The following KCNH7 variants were observed in gnomAD, a reference collection of about 807,000 sequenced individuals.
The protein encoded by KCNH7 is voltage-gated inwardly rectifying potassium channel KCNH7.
KCNH7 carries 49 observed loss-of-function variants against 120.8 expected under a neutral mutation model. The observed-to-expected ratio is 0.41, with a 90% CI of 0.32 to 0.51. KCNH7 has a LOEUF of 0.51. Ranked by LOEUF, KCNH7 falls within the 20% of genes least tolerant of loss-of-function variation. KCNH7 has a pLI of 0.38. For synonymous variants in KCNH7, 547 were observed against 516.1 expected (o/e 1.06, Z -0.81); for missense variants, 1,097 against 1,446.6 (o/e 0.76, Z 3.92).
intron 6 of KCNH7, among the ~76,000 whole-genome samples, chr2:162,470,617 G>A (rs562992299): frequency 4.3e-4 from 64 of 150,508 alleles, no homozygotes; most frequent in Middle Eastern, 3.7e-3. Context: ...ATCCGGGAGG[G>A]AGGTGGGGGG....
At chr2:162,581,898 G>T (rs1037226549) in intron 2 of KCNH7, among the ~76,000 whole-genome samples, 1 of 152,024 alleles carries the variant, frequency 6.6e-6, no homozygotes, top group Non-Finnish European at 1.5e-5. Context: ...GAAAGAAAAA[G>T]TAGTGATGAG....
chr2:162,793,140 G>C (rs976268458), intron 2 of KCNH7, among the ~76,000 whole-genome samples: 1 of 151,898 alleles, frequency 6.6e-6, no homozygotes, highest in Non-Finnish European at 1.5e-5. Context: ...GATCACGTAC[G>C]TTGCAAGGAC....
intron 2 of KCNH7, among the ~76,000 whole-genome samples, chr2:162,541,758 G>T (rs968401263): frequency 6.6e-6 from 1 of 152,078 alleles, no homozygotes; most frequent in African/African-American, 2.4e-5. Flanking sequence ...ATACCTAGGA[G>T]ACAGAATGAT....
At chr2:162,703,240 T>A (rs898987895) in intron 2 of KCNH7, among the ~76,000 whole-genome samples, 2 of 152,114 alleles carry the variant, frequency 1.3e-5, no homozygotes, top group Non-Finnish European at 2.9e-5. Flanking sequence ...ACCATTATTA[T>A]CTCTACTTTG....
At chr2:162,811,195 T>C (rs950142009) in intron 2 of KCNH7, among the ~76,000 whole-genome samples, 3 of 152,152 alleles carry the variant, frequency 2.0e-5, no homozygotes, top group Non-Finnish European at 4.4e-5. Flanking sequence ...CGTGCATACT[T>C]TTCCATTTAT....
intron 2 of KCNH7, among the ~76,000 whole-genome samples, chr2:162,763,915 C>G (rs953148106): frequency 6.6e-6 from 1 of 151,868 alleles, no homozygotes; most frequent in Admixed American, 6.6e-5. Context: ...AATACCATAA[C>G]AAATTGATGT....
At chr2:162,377,142 G>C (rs1011901722) in intron 14 of KCNH7, among the ~76,000 whole-genome samples, 4 of 152,096 alleles carry the variant, frequency 2.6e-5, no homozygotes, top group Admixed American at 2.6e-4. Context: ...AGTCTGAGTT[G>C]AGCTTCCCCC....
intron 5 of KCNH7, among the ~76,000 whole-genome samples, chr2:162,508,730 C>G (rs1333990571): frequency 6.6e-6 from 1 of 151,448 alleles, no homozygotes. Flanking sequence ...GGGTTTCCTA[C>G]CTCCTAAGTC....
At chr2:162,562,018 C>A (rs1464425497) in intron 2 of KCNH7, among the ~76,000 whole-genome samples, 6 of 152,038 alleles carry the variant, frequency 3.9e-5, no homozygotes, top group African/African-American at 1.4e-4. Flanking sequence ...AATGAGAACA[C>A]ATGGACACAG....
chr2:162,435,525 G>A lies in KCNH7; in HGVS notation c.1627C>T (p.Arg543Ter), dbSNP rs1206533551. ...RLVRVARKLD[R>*]YSEYGAAVLM... ...ACAGCAGCGCCATATTCTGAATATC[G>A]ATCCAGTTTCCTGGCCACGCGCACA... is the stretch of plus-strand genomic sequence containing the variant. Residue 543 changes from arginine (R) to a stop codon, truncating the protein, a stop_gained, in exon 8 of 16, where the codon CGA (arginine) becomes TGA (stop). Coordinates refer to ENST00000332142, the MANE Select transcript of KCNH7 (RefSeq NM_033272.4). LOFTEE classifies it high-confidence loss of function. The A allele has an allele frequency of 6.2e-7, 1 of 1,613,524 alleles. No homozygotes were observed. Among genetic ancestry groups the A allele is most frequent in the Non-Finnish European group, 8.5e-7 (1 of 1,179,718 alleles).
At chr2:162,411,725 A>C (rs900916023) in intron 9 of KCNH7, among the ~76,000 whole-genome samples, 1 of 151,862 alleles carries the variant, frequency 6.6e-6, no homozygotes, top group Non-Finnish European at 1.5e-5. Flanking sequence ...AATTAAATCA[A>C]CTATTAAGAT....
chr2:162,568,246 C>T (rs1022157103), intron 2 of KCNH7, among the ~76,000 whole-genome samples: 2 of 151,954 alleles, frequency 1.3e-5, no homozygotes, highest in South Asian at 4.1e-4. Flanking sequence ...CCCCCAGGGT[C>T]CCTCCCTTGA....
chr2:162,688,726 C>T (rs926885960), intron 2 of KCNH7, among the ~76,000 whole-genome samples: 1 of 149,132 alleles, frequency 6.7e-6, no homozygotes, highest in South Asian at 2.1e-4. Flanking sequence ...CTCTCCTGCC[C>T]CCATTCTTTT....
intron 2 of KCNH7, among the ~76,000 whole-genome samples, chr2:162,710,267 C>T (rs558804414): frequency 1.3e-5 from 2 of 152,078 alleles, no homozygotes; most frequent in African/African-American, 4.8e-5. Context: ...GTGGGGAATG[C>T]CATAACAATT....
intron 2 of KCNH7, among the ~76,000 whole-genome samples, chr2:162,616,654 T>G (rs1350834083): frequency 6.6e-6 from 1 of 152,174 alleles, no homozygotes; most frequent in Admixed American, 6.5e-5. Flanking sequence ...TTACACCACG[T>G]TGAAACTTGG....
chr2:162,536,620 C>A (rs1361988641), intron 3 of KCNH7, among the ~76,000 whole-genome samples: 1 of 151,942 alleles, frequency 6.6e-6, no homozygotes, highest in East Asian at 1.9e-4. Context: ...TATGAAAATA[C>A]ATAAGCAGAA....
At chr2:162,462,679 GA>G in intron 6 of KCNH7, among the ~76,000 whole-genome samples, 1 of 152,188 alleles carries the variant, frequency 6.6e-6, no homozygotes, top group South Asian at 2.1e-4. Context: ...CAACTTGCTT[GA>G]AGCACAGTTA....
At chr2:162,475,425 T>G (rs1203669941) in intron 6 of KCNH7, among the ~76,000 whole-genome samples, 1 of 152,196 alleles carries the variant, frequency 6.6e-6, no homozygotes, top group Non-Finnish European at 1.5e-5. Flanking sequence ...CAGAGAACAG[T>G]GCTTGCCTTC....
intron 2 of KCNH7, among the ~76,000 whole-genome samples, chr2:162,757,635 G>C (rs1688831835): frequency 6.6e-6 from 1 of 152,002 alleles, no homozygotes; most frequent in Non-Finnish European, 1.5e-5. Context: ...GCCATGCACA[G>C]ATACTTATTT....
Sources: gnomAD v4.1 joint callset for allele counts (sites outside exome capture counted in the v4.1 genomes callset) on GRCh38, gnomAD v4.1.1 for gene constraint, MANE v1.5 for transcripts, NCBI Gene and HGNC (gene_info 2026-07-23, HGNC 2026-07-21) for gene names.